Variants in ODF2L observed in about 807,000 individuals in gnomAD.
ODF2L encodes the protein protein BCAP.
ODF2L carries 76 observed loss-of-function variants against 86.3 expected under a neutral mutation model. The observed-to-expected ratio is 0.88, with a 90% CI of 0.73 to 1.07. The LOEUF (loss-of-function observed/expected upper bound fraction) is 1.07. ODF2L is among the 50% of genes least tolerant of loss of function. The pLI, the probability that ODF2L is intolerant of heterozygous loss-of-function variation, is 0.00. For missense variants in ODF2L, 748 were observed against 717.4 expected (o/e 1.04, Z -0.49); for synonymous variants, 241 against 231.3 (o/e 1.04, Z -0.38).
exon 18 of ODF2L, chr1:86,351,921 C>G: frequency 1.7e-6 from 2 of 1,172,224 alleles, no homozygotes; most frequent in Non-Finnish European, 2.1e-6. Context: ...GCAAAACCCA[C>G]CTCATTTATT....
At position 86,355,295 on chromosome 1, in the gene ODF2L, CA is replaced by C. The variant is rs1452560279; in HGVS notation, c.1519-437del. 7.5e-6 allele frequency: 9 copies of C among 1,197,198 alleles called. No homozygotes were observed. The African/African-American group carries it at 1.2e-4, about 16-fold the overall frequency. 74.2% of individuals were successfully genotyped at this position (1,197,198 alleles called of 1,614,324 possible). The stretch of plus-strand genomic sequence containing the variant: ...TGAAGTCGAAACTGTAAATAAAATA[CA>C]TATTTTTTTGAGAAGCAAAGTGAAC... On this transcript the variant is annotated intron_variant, in intron 14 of 17. Coordinates refer to ENST00000317336, the Ensembl canonical transcript of ODF2L.
intron 13 of ODF2L, chr1:86,357,583 T>G (rs531150688): frequency 2.3e-5 from 4 of 175,728 alleles, no homozygotes; most frequent in Admixed American, 7.0e-5. Context: ...CATATTCTGA[T>G]GGTATATAAA....
intron 11 of ODF2L, among the ~76,000 whole-genome samples, chr1:86,362,558 C>CA (rs1467451194): frequency 6.6e-6 from 1 of 152,152 alleles, no homozygotes; most frequent in African/African-American, 2.4e-5. Flanking sequence ...CCTGAAGTTG[C>CA]AGGATGACAG....
intron 11 of ODF2L, among the ~76,000 whole-genome samples, chr1:86,366,391 TACACACACACACACACAC>T (rs71643841): frequency 2.5e-5 from 3 of 119,364 alleles, no homozygotes; most frequent in East Asian, 4.9e-4. Flanking sequence ...AGACCCCACC[TACACACACACACACACAC>T]ACACACACAC....
chr1:86,371,396 A>T (rs1415738826), intron 9 of ODF2L, among the ~76,000 whole-genome samples: 1 of 152,196 alleles, frequency 6.6e-6, no homozygotes, highest in Non-Finnish European at 1.5e-5. Context: ...ATTATACAAC[A>T]TGCTCTTTGC....
chr1:86,386,925 G>A lies in ODF2L; in HGVS notation c.103C>T (p.His35Tyr), dbSNP rs151171693. The A allele has an allele frequency of 4.5e-5, 69 of 1,546,928 alleles. No homozygotes were observed. The African/African-American group carries it at 7.6e-4, about 17-fold the overall frequency. Residue 35 changes from histidine (H) to tyrosine (Y), a missense_variant, in exon 2 of 18, where the codon CAT (histidine) becomes TAT (tyrosine). Coordinates refer to ENST00000317336, the Ensembl canonical transcript of ODF2L. ...TACTGATGAGAATACCAGCTGAGAT[G>A]ACTTTCACTGGTACACCGTGGTAAA...
At chr1:86,349,324 A>C (rs1657972967), downstream of ODF2L, 1 of 152,368 alleles carries the variant, frequency 6.6e-6, no homozygotes, top group African/African-American at 2.4e-5. Flanking sequence ...AATAAAAAGA[A>C]TTCTTCATAT....
At chr1:86,374,856 T>C (rs1203274184) in intron 8 of ODF2L, 7 of 152,196 alleles carry the variant, frequency 4.6e-5, no homozygotes, top group Non-Finnish European at 7.3e-5. Context: ...AACTATTATT[T>C]AGCTCTTATT....
At chr1:86,385,671 ACAGTACTCTT>A in intron 2 of ODF2L, 81 bp from the exon 3 acceptor site, 1 of 1,050,122 alleles carries the variant, frequency 9.5e-7, no homozygotes, top group East Asian at 2.5e-5. Flanking sequence ...TATCACCTAT[ACAGTACTCTT>A]AATAGCAAGG....
At chr1:86,390,333 T>C (rs568068481) in intron 1 of ODF2L, among the ~76,000 whole-genome samples, 11 of 152,182 alleles carry the variant, frequency 7.2e-5, no homozygotes, top group African/African-American at 2.2e-4. Context: ...AGGCAGAGAA[T>C]TGCTTGAACC....
At chr1:86,366,421 CACACACACACACAT>C (rs1323470146) in intron 11 of ODF2L, among the ~76,000 whole-genome samples, 70 of 144,990 alleles carry the variant, frequency 4.8e-4, no homozygotes, top group African/African-American at 1.7e-3. Flanking sequence ...CACACACACA[CACACACACACACAT>C]ACACATACAC....
chr1:86,358,840 A>G, exon 13 of ODF2L: 1 of 1,551,890 alleles, frequency 6.4e-7, no homozygotes, highest in Non-Finnish European at 8.7e-7. Context: ...TTATGTAGCA[A>G]ATTTTCACAT....
chr1:86,380,155 T>C (rs536075052), intron 7 of ODF2L, among the ~76,000 whole-genome samples: 1 of 152,150 alleles, frequency 6.6e-6, no homozygotes, highest in South Asian at 2.1e-4. Flanking sequence ...TTTTTAAAAA[T>C]TGCAAAGGAG....
At chr1:86,372,528 A>G (rs1257012000) in exon 9 of ODF2L, 2 of 1,508,096 alleles carry the variant, frequency 1.3e-6, no homozygotes, top group Non-Finnish European at 1.8e-6. Context: ...ATTGTTTCAG[A>G]CAACTTGGCT....
At chr1:86,352,340 A>G in intron 17 of ODF2L, 1 of 1,093,070 alleles carries the variant, frequency 9.1e-7, no homozygotes, top group East Asian at 3.1e-5. Flanking sequence ...ATTCAGGAAA[A>G]AAAACAGAAG....
chr1:86,389,308 C>A (rs1381981737), intron 1 of ODF2L, among the ~76,000 whole-genome samples: 2 of 152,178 alleles, frequency 1.3e-5, no homozygotes, highest in South Asian at 2.1e-4. Flanking sequence ...AGGATCAAAT[C>A]ATTTTAAAGA....
intron 10 of ODF2L, 42 bp downstream of exon 10, chr1:86,370,976 C>A: frequency 7.5e-7 from 1 of 1,335,202 alleles, no homozygotes; most frequent in Non-Finnish European, 1.0e-6. Flanking sequence ...AGACTATGGT[C>A]ATTACACAAT....
At chr1:86,352,715 TTTTA>T (rs1489104081) in intron 17 of ODF2L, 140 bp downstream of exon 16, 7 of 503,468 alleles carry the variant, frequency 1.4e-5, no homozygotes, top group Admixed American at 8.2e-5. Context: ...ATCATAACAT[TTTTA>T]TTTGTTATGT....
intron 11 of ODF2L, among the ~76,000 whole-genome samples, chr1:86,362,519 G>A (rs191579468): frequency 3.8e-4 from 57 of 151,646 alleles, no homozygotes; most frequent in African/African-American, 1.3e-3. Flanking sequence ...TCAAACTTCT[G>A]AGCTGAGGCG....
Sources: allele counts gnomAD v4.1 joint callset (sites outside exome capture counted in the v4.1 genomes callset), GRCh38; gene constraint gnomAD v4.1.1; transcripts MANE v1.5; gene names NCBI Gene and HGNC (gene_info 2026-07-23, HGNC 2026-07-21).